Variants in VAV1 observed in about 807,000 individuals in gnomAD.
VAV1 encodes the protein vav guanine nucleotide exchange factor 1, also known as proto-oncogene vav.
Under a neutral mutation model 128.1 loss-of-function variants are expected in VAV1, and 33 were observed. That is an observed-to-expected ratio of 0.26 (90% confidence interval 0.20 to 0.34). The LOEUF (loss-of-function observed/expected upper bound fraction) is 0.34, where lower values mean the gene tolerates loss of function less well. Among genes scored for constraint, VAV1 ranks in the 10% least tolerant of loss-of-function variants. The probability of loss-of-function intolerance (pLI) is 1.00; values close to 1 mark genes in which losing one functional copy is unlikely to be tolerated. For synonymous variants in VAV1, 394 were observed against 409.8 expected (o/e 0.96, Z 0.47); for missense variants, 715 against 1,093.7 (o/e 0.65, Z 4.88).
chr19:6,833,650 G>A (rs1158133900), intron 17 of VAV1, 25 bp downstream of exon 17: 15 of 1,614,082 alleles, frequency 9.3e-6, no homozygotes, highest in Non-Finnish European at 1.1e-5. Context: ...GAGGCTGGGA[G>A]GTGAGCTTGG....
chr19:6,784,388 T>C lies in VAV1; in HGVS notation c.204+11377T>C, dbSNP rs142096998. The C allele has an allele frequency of 7.2e-4, 301 of 415,804 alleles. 1 individual carries two copies. In the East Asian group the frequency reaches 0.01, roughly 14 times the overall value. The allele number at this position is 415,804 out of a possible 1,614,324, so 25.8% of individuals were successfully genotyped here. On this transcript the variant is annotated intron_variant, in intron 1 of 26. Transcript: ENST00000602142. ...TGATAGCAACTTCAGCAAAATGGGT[T>C]GGGCTGATTGGAAAACCTCCTCTTA...
At chr19:6,806,533 C>T (rs572096507) in intron 1 of VAV1, among the ~76,000 whole-genome samples, 2 of 152,304 alleles carry the variant, frequency 1.3e-5, no homozygotes, top group East Asian at 1.9e-4. Context: ...CCTTTTCTGG[C>T]TTTGTAAATC....
intron 1 of VAV1, among the ~76,000 whole-genome samples, chr19:6,776,353 TATCCATCCATCC>T (rs371099055): frequency 6.9e-5 from 5 of 72,760 alleles, no homozygotes; most frequent in Non-Finnish European, 9.0e-5. Context: ...TCCACTCATC[TATCCATCCATCC>T]ATCCATCCAT....
chr19:6,795,145 C>T (rs1234879684), intron 1 of VAV1, among the ~76,000 whole-genome samples: 3 of 152,080 alleles, frequency 2.0e-5, no homozygotes, highest in African/African-American at 4.8e-5. Flanking sequence ...CAGCAGTTTT[C>T]GTAACAAGAA....
intron 1 of VAV1, among the ~76,000 whole-genome samples, chr19:6,788,918 C>T (rs1970953022): frequency 6.6e-6 from 1 of 152,196 alleles, no homozygotes; most frequent in African/African-American, 2.4e-5. Context: ...TAAATTTAAG[C>T]CAGAATTTCT....
At chr19:6,787,028 T>G (rs544140540) in intron 1 of VAV1, among the ~76,000 whole-genome samples, 2 of 151,454 alleles carry the variant, frequency 1.3e-5, no homozygotes, top group South Asian at 4.2e-4. Flanking sequence ...CTATTTTTTT[T>G]TTTTTTTGAG....
In VAV1 at chr19:6,794,125, C is replaced by T. The variant is rs188710254; in HGVS notation, c.204+21114C>T. 1.3e-3 allele frequency among the ~76,000 whole-genome samples: 202 copies of T among 151,912 alleles called. 2 individuals are homozygous for T. The highest frequency in any genetic ancestry group is 4.2e-3 in the African/African-American group (174 of 41,442). Reference sequence around the variant, plus strand: ...AATGATTTATTTACCAATAAATCAACGGTAAATGATTTATTTACCAAGGGT... The same window carrying T: ...AATGATTTATTTACCAATAAATCAATGGTAAATGATTTATTTACCAAGGGT... On this transcript the variant is annotated intron_variant, in intron 1 of 26. Transcript: ENST00000602142.
intron 1 of VAV1, among the ~76,000 whole-genome samples, chr19:6,811,411 C>G (rs138413666): frequency 0.01 from 1,557 of 152,264 alleles, 8 homozygotes; most frequent in Middle Eastern, 0.02. Context: ...AGAGGTGACT[C>G]AACCCTGGGT....
chr19:6,793,089 C>CTT (rs1599627742), intron 1 of VAV1, among the ~76,000 whole-genome samples: 1 of 152,224 alleles, frequency 6.6e-6, no homozygotes, highest in East Asian at 1.9e-4. Flanking sequence ...AATCCCAGCA[C>CTT]TTTGGGAGGC....
intron 26 of VAV1, among the ~76,000 whole-genome samples, chr19:6,855,886 A>G (rs188936172): frequency 2.6e-5 from 4 of 152,300 alleles, no homozygotes; most frequent in Non-Finnish European, 4.4e-5. Context: ...CTACCCATCA[A>G]TCCAATAATC....
chr19:6,847,121 C>G (rs1322449884), intron 22 of VAV1, among the ~76,000 whole-genome samples: 1 of 152,062 alleles, frequency 6.6e-6, no homozygotes, highest in Non-Finnish European at 1.5e-5. Context: ...ACCATGTTGC[C>G]CAGGCTGGTC....
chr19:6,834,710 A>G (rs1027447574), intron 19 of VAV1, among the ~76,000 whole-genome samples: 1 of 146,126 alleles, frequency 6.8e-6, no homozygotes, highest in African/African-American at 2.5e-5. Context: ...TGTATATATA[A>G]TATATCTTTT....
chr19:6,789,316 G>C (rs1020045643), intron 1 of VAV1, among the ~76,000 whole-genome samples: 1 of 150,812 alleles, frequency 6.6e-6, no homozygotes. Context: ...GCAGTGGCGC[G>C]ATCTCGTCTC....
At chr19:6,805,583 T>TACACAC (rs55732746) in intron 1 of VAV1, among the ~76,000 whole-genome samples, 4,801 of 139,036 alleles carry the variant, frequency 0.035, 109 homozygotes, top group African/African-American at 0.048. Flanking sequence ...TTTCTACAGA[T>TACACAC]ACACACACAC....
At position 6,832,241 on chromosome 19, in the gene VAV1, G is replaced by T. The variant is rs756313086; in HGVS notation, c.1508+41G>T. On this transcript the variant is annotated intron_variant, in intron 15 of 26. Coordinates refer to ENST00000602142, the MANE Select transcript of VAV1 (RefSeq NM_005428.4). The stretch of plus-strand genomic sequence containing the variant: ...CCTCCCTCTTTCTGTCCACAGAGGG[G>T]CAGGGGCTGGGAAGGAGGAACGTGA... The T allele has an allele frequency of 4.3e-5, 68 of 1,592,474 alleles. No homozygotes were observed. In the Admixed American group the frequency reaches 1.1e-3, roughly 26 times the overall value.
At chr19:6,812,492 TA>T (rs932718602) in intron 1 of VAV1, among the ~76,000 whole-genome samples, 1 of 152,016 alleles carries the variant, frequency 6.6e-6, no homozygotes, top group African/African-American at 2.4e-5. Flanking sequence ...CTGTCTCTAC[TA>T]AAAAGAAAAT....
chr19:6,839,995 A>G (rs1400092687), intron 21 of VAV1, among the ~76,000 whole-genome samples: 4 of 152,002 alleles, frequency 2.6e-5, no homozygotes, highest in Non-Finnish European at 5.9e-5. Flanking sequence ...CCCGGCCAAC[A>G]TAACCATTTT....
chr19:6,801,972 C>T (rs1229579095), intron 1 of VAV1, among the ~76,000 whole-genome samples: 1 of 152,130 alleles, frequency 6.6e-6, no homozygotes. Context: ...CCCGCCTCTT[C>T]CTGGAGGAAG....
chr19:6,829,954 C>T (rs752213783), intron 14 of VAV1, 36 bp downstream of exon 14: 88 of 1,613,142 alleles, frequency 5.5e-5, no homozygotes, highest in Middle Eastern at 1.7e-4. Context: ...GGGTCCTCCA[C>T]GCAGTCGGCA....
Sources: gnomAD v4.1 joint callset for allele counts (sites outside exome capture counted in the v4.1 genomes callset) on GRCh38, gnomAD v4.1.1 for gene constraint, MANE v1.5 for transcripts, NCBI Gene and HGNC (gene_info 2026-07-23, HGNC 2026-07-21) for gene names.